VPS45: variants seen among roughly 807,000 people sequenced by gnomAD.
The protein encoded by VPS45 is vacuolar protein sorting 45 homolog, also known as vacuolar protein sorting-associated protein 45.
In VPS45, 35 loss-of-function variants were observed where a neutral mutation model predicts 75.9. The observed-to-expected ratio is 0.46, with a 90% CI of 0.35 to 0.61. VPS45 has a LOEUF of 0.61. Among genes scored for constraint, VPS45 ranks in the 20% least tolerant of loss-of-function variants. VPS45 has a pLI of 0.00. For synonymous variants in VPS45, 220 were observed against 238.2 expected (o/e 0.92, Z 0.70); for missense variants, 559 against 685.9 (o/e 0.81, Z 2.07).
At position 150,145,058 on chromosome 1, in the gene VPS45, T is replaced by C; in HGVS notation, c.*262T>C. ...CAATCACTTCAGTTACTGATGAATT[T>C]TGTTGGGATCTGACTTGGGGAAAGG... On this transcript the variant is annotated 3_prime_UTR_variant, in exon 15 of 15. Coordinates refer to ENST00000644510, the MANE Select transcript of VPS45 (RefSeq NM_007259.5). 2.2e-6 allele frequency: 2 copies of C among 899,790 alleles called. No homozygotes were observed. The highest frequency in any genetic ancestry group is 3.3e-6 in the Non-Finnish European group (2 of 605,628). 55.7% of individuals were successfully genotyped at this position (899,790 alleles called of 1,614,324 possible).
At chr1:150,128,013 C>CT (rs781978078) in intron 14 of VPS45, among the ~76,000 whole-genome samples, 48 of 152,158 alleles carry the variant, frequency 3.2e-4, no homozygotes, top group Non-Finnish European at 5.6e-4. Flanking sequence ...GTAAAAATGA[C>CT]TAACTTGGCC....
intron 10 of VPS45, among the ~76,000 whole-genome samples, chr1:150,083,715 T>G (rs782043741): frequency 1.3e-5 from 2 of 149,130 alleles, no homozygotes; most frequent in Non-Finnish European, 3.0e-5. Context: ...ATACATATAT[T>G]TAAATATATA....
chr1:150,069,467 T>TTTTTC (rs1339014994), intron 2 of VPS45, among the ~76,000 whole-genome samples: 1 of 147,636 alleles, frequency 6.8e-6, no homozygotes, highest in East Asian at 2.0e-4. Flanking sequence ...CACTTTTTTT[T>TTTTTC]TTTTTTTGAG....
intron 13 of VPS45, chr1:150,109,064 C>T (rs1399112738): frequency 3.3e-5 from 5 of 152,236 alleles, no homozygotes; most frequent in African/African-American, 1.2e-4. Flanking sequence ...GAGATGGAGT[C>T]TCTGTTGCCC....
intron 14 of VPS45, chr1:150,143,054 C>CT: frequency 7.5e-6 from 2 of 267,060 alleles, no homozygotes; most frequent in South Asian, 7.1e-5. Flanking sequence ...GTGTTAAGCC[C>CT]TGGAGATCTA....
Position 150,092,360 on chromosome 1 carries a change from G to T in VPS45, c.1322G>T (p.Ser441Ile). The change falls in exon 12 of 15, where the codon AGC becomes ATC. Residue 441 changes from serine (S) to isoleucine (I), a missense_variant. Ser to Ile is a moderately radical substitution (Grantham distance 142). Transcript: ENST00000644510. ...GKRVRGSDLF[S>I]PKDAVAITKQ... is the part of the protein sequence containing the mutation. ...CGAGTCAGAGGAAGTGACCTCTTCAGCCCCAAAGATGCTGTGGCTATCACC... is the reference window on the plus strand; with the variant it reads ...CGAGTCAGAGGAAGTGACCTCTTCATCCCCAAAGATGCTGTGGCTATCACC... 2 of 1,614,146 alleles carry T rather than the reference G, an allele frequency of 1.2e-6. No homozygotes were observed. Among genetic ancestry groups the T allele is most frequent in the Non-Finnish European group, 1.7e-6 (2 of 1,180,018 alleles).
chr1:150,121,890 A>T (rs587602586), intron 14 of VPS45, among the ~76,000 whole-genome samples: 1 of 152,224 alleles, frequency 6.6e-6, no homozygotes, highest in African/African-American at 2.4e-5. Context: ...GGTATATTTT[A>T]TAGTAAATCA....
chr1:150,115,645 C>G (rs2101619085), intron 14 of VPS45, among the ~76,000 whole-genome samples: 1 of 152,250 alleles, frequency 6.6e-6, no homozygotes, highest in Non-Finnish European at 1.5e-5. Context: ...GCATATTCTT[C>G]TTTCATTTTT....
At chr1:150,074,952 A>ATTTTTT (rs1185847959) in intron 3 of VPS45, among the ~76,000 whole-genome samples, 1 of 88,152 alleles carries the variant, frequency 1.1e-5, no homozygotes. Flanking sequence ...ATAATTATTT[A>ATTTTTT]TTCTTTTTTT....
chr1:150,071,713 A>G (rs1160906648), intron 2 of VPS45, among the ~76,000 whole-genome samples: 2 of 151,152 alleles, frequency 1.3e-5, no homozygotes, highest in Non-Finnish European at 1.5e-5. Context: ...GCTTGAACCC[A>G]GGAGACGGAG....
At chr1:150,093,753 CCTTT>C in intron 13 of VPS45, 105 bp downstream of exon 13, 10 of 1,366,172 alleles carry the variant, frequency 7.3e-6, no homozygotes, top group Non-Finnish European at 8.8e-6. Flanking sequence ...TTCTGCTGCT[CCTTT>C]CTTCTGTTAA....
At position 150,085,990 on chromosome 1, in the gene VPS45, A is replaced by G. The variant is rs587769090; in HGVS notation, c.1104+3107A>G. ...CCATCCTCCCTATACCCTGCCCCCC[A>G]TGCCCAGCCTGTGTTGTCATATCAC... is the stretch of plus-strand genomic sequence containing the variant. On this transcript the variant is annotated intron_variant, in intron 10 of 14. Transcript: ENST00000644510. 5.9e-5 allele frequency among the ~76,000 whole-genome samples: 9 copies of G among 152,166 alleles called. 1 individual carries two copies. In the South Asian group the frequency reaches 1.0e-3, roughly 18 times the overall value.
chr1:150,075,125 A>G lies in VPS45; in HGVS notation c.290-1108A>G, dbSNP rs1221802711. On this transcript the variant is annotated intron_variant, in intron 3 of 14. Coordinates refer to ENST00000644510, the MANE Select transcript of VPS45 (RefSeq NM_007259.5). ...TTTTCAAATAACCATTCAGCGTTCA[A>G]ATTTAAAATTGTCTTTTTTTTTTTT... Among the ~76,000 whole-genome samples, 24 of 126,068 alleles carry G rather than the reference A, an allele frequency of 1.9e-4. 1 individual carries two copies. In the Admixed American group the frequency reaches 1.9e-3, roughly 10 times the overall value. The allele number at this position is 126,068 out of a possible 152,430, so 82.7% of individuals were successfully genotyped here.
intron 10 of VPS45, among the ~76,000 whole-genome samples, chr1:150,088,970 T>C (rs1553801362): frequency 1.3e-5 from 2 of 152,214 alleles, no homozygotes; most frequent in African/African-American, 4.8e-5. Context: ...TTTTTAATTT[T>C]TTAAGGAATC....
chr1:150,132,130 A>G (rs1553812529), intron 14 of VPS45, among the ~76,000 whole-genome samples: 3 of 152,166 alleles, frequency 2.0e-5, no homozygotes, highest in African/African-American at 4.8e-5. Context: ...AATGCCATAT[A>G]ATAATCATTT....
chr1:150,122,650 A>G (rs1292802010), intron 14 of VPS45, among the ~76,000 whole-genome samples: 1 of 152,114 alleles, frequency 6.6e-6, no homozygotes, highest in Non-Finnish European at 1.5e-5. Context: ...TGTAAAATTC[A>G]GTGGTTTTTA....
At chr1:150,091,503 C>G (rs1261548174) in intron 10 of VPS45, among the ~76,000 whole-genome samples, 16 of 152,176 alleles carry the variant, frequency 1.1e-4, no homozygotes, top group Admixed American at 1.0e-3. Context: ...AGAGATCAAG[C>G]CCAGTCTGTG....
chr1:150,097,178 C>G (rs1656706253), intron 13 of VPS45, among the ~76,000 whole-genome samples: 2 of 150,854 alleles, frequency 1.3e-5, no homozygotes, highest in African/African-American at 2.4e-5. Context: ...ATCCCCGCCT[C>G]CTGGGTTCAA....
At chr1:150,095,225 A>G (rs1472998779) in intron 13 of VPS45, among the ~76,000 whole-genome samples, 3 of 152,190 alleles carry the variant, frequency 2.0e-5, no homozygotes, top group African/African-American at 7.2e-5. Flanking sequence ...AAATAGGGTG[A>G]TGAGCTTCAA....
Sources: gnomAD v4.1 joint callset for allele counts (sites outside exome capture counted in the v4.1 genomes callset) on GRCh38, gnomAD v4.1.1 for gene constraint, MANE v1.5 for transcripts, NCBI Gene and HGNC (gene_info 2026-07-23, HGNC 2026-07-21) for gene names.